The following WIPF2 variants were observed in gnomAD, a reference collection of about 807,000 sequenced individuals.
WIPF2 encodes WAS/WASL interacting protein family member 2.
WIPF2 carries 23 observed loss-of-function variants against 38.8 expected under a neutral mutation model. The observed-to-expected ratio is 0.59, with a 90% CI of 0.43 to 0.84. The LOEUF (loss-of-function observed/expected upper bound fraction) is 0.84. WIPF2 is among the 40% of genes least tolerant of loss of function. The pLI is 0.00. For synonymous variants in WIPF2, 210 were observed against 223.2 expected, an observed-to-expected ratio of 0.94 and a Z score of 0.53; for missense variants, 574 against 580.5, an observed-to-expected ratio of 0.99 and a Z score of 0.11.
At chr17:40,250,417 T>A (rs545996693) in intron 1 of WIPF2, among the ~76,000 whole-genome samples, 41 of 148,284 alleles carry the variant, frequency 2.8e-4, no homozygotes, top group African/African-American at 1.0e-3. Context: ...TTTTTGTATT[T>A]TTTTTTTTTT....
intron 1 of WIPF2, among the ~76,000 whole-genome samples, chr17:40,224,936 T>C (rs2030417220): frequency 6.6e-6 from 1 of 151,960 alleles, no homozygotes; most frequent in South Asian, 2.1e-4. Context: ...CTCTTGTTGC[T>C]ACTATTCTTC....
chr17:40,274,397 T>C (rs2032328122), intron 6 of WIPF2, among the ~76,000 whole-genome samples: 1 of 151,584 alleles, frequency 6.6e-6, no homozygotes, highest in Non-Finnish European at 1.5e-5. Context: ...TTGATTGTTC[T>C]TGGAATTATT....
intron 4 of WIPF2, among the ~76,000 whole-genome samples, chr17:40,262,843 T>A (rs1458358271): frequency 6.6e-6 from 1 of 152,184 alleles, no homozygotes; most frequent in African/African-American, 2.4e-5. Flanking sequence ...AAATGTGGCA[T>A]ATATACCCTA....
chr17:40,223,127 G>A lies in WIPF2; in HGVS notation c.-70+3635G>A, dbSNP rs189353614. On this transcript the variant is annotated intron_variant, in intron 1 of 7. Transcript: ENST00000323571. ...AATTGATGAAGACTAGTAGAATGTA[G>A]TGTTTGTTTTTTTATTTGTTTATTT... Among the ~76,000 whole-genome samples, 187 of 152,096 alleles carry A rather than the reference G, an allele frequency of 1.2e-3. 1 individual carries two copies. The highest frequency in any genetic ancestry group is 5.0e-3 in the South Asian group (24 of 4,822).
At chr17:40,227,859 A>T (rs572334142) in intron 1 of WIPF2, among the ~76,000 whole-genome samples, 2 of 152,062 alleles carry the variant, frequency 1.3e-5, no homozygotes, top group African/African-American at 2.4e-5. Flanking sequence ...AAAACAAAAC[A>T]AAAAACAAAA....
chr17:40,254,069 T>C (rs1395890373), intron 1 of WIPF2, among the ~76,000 whole-genome samples: 2 of 150,682 alleles, frequency 1.3e-5, no homozygotes, highest in Non-Finnish European at 2.9e-5. Context: ...CAGGTTGGAG[T>C]GCAGTGGTGC....
intron 1 of WIPF2, 41 bp from the exon 2 acceptor site, chr17:40,256,350 A>G: frequency 1.3e-6 from 2 of 1,510,712 alleles, no homozygotes; most frequent in South Asian, 1.3e-5. Flanking sequence ...CTTGTATCTA[A>G]TGGTAAAGCT....
At chr17:40,250,230 T>TTTTTC (rs2031512393) in intron 1 of WIPF2, among the ~76,000 whole-genome samples, 2 of 113,830 alleles carry the variant, frequency 1.8e-5, no homozygotes, top group Non-Finnish European at 3.8e-5. Flanking sequence ...TTTTTTTTTT[T>TTTTTC]TTTTTTTTTT....
In WIPF2 at chr17:40,278,590, C is replaced by T. The variant is rs1250689322; in HGVS notation, c.*365C>T. On this transcript the variant is annotated 3_prime_UTR_variant, in exon 8 of 8. Coordinates refer to ENST00000323571, the MANE Select transcript of WIPF2 (RefSeq NM_133264.5). The stretch of plus-strand genomic sequence containing the variant: ...GTGGAGAATGGTACTCCTTCCTTCT[C>T]CTGTCCACTGTGGGGGAAGCTTGGC... 1.3e-5 allele frequency: 3 copies of T among 222,958 alleles called. No individual in the cohort carries two copies. Among genetic ancestry groups the T allele is most frequent in the South Asian group, 9.8e-5 (1 of 10,252 alleles). 13.8% of individuals were successfully genotyped at this position (222,958 alleles called of 1,614,324 possible).
At chr17:40,262,081 T>C (rs1431071608) in intron 3 of WIPF2, among the ~76,000 whole-genome samples, 66 of 147,974 alleles carry the variant, frequency 4.5e-4, no homozygotes, top group African/African-American at 1.5e-3. Flanking sequence ...TTTTCTCTTT[T>C]TTTTTTTTTT....
chr17:40,277,199 A>G lies in WIPF2; in HGVS notation c.1282+15A>G, dbSNP rs758414286. The G allele has an allele frequency of 1.1e-5, 17 of 1,580,108 alleles. No homozygotes were observed. The highest frequency in any genetic ancestry group is 1.3e-5 in the Non-Finnish European group (15 of 1,158,576). On this transcript the variant is annotated intron_variant, in intron 7 of 7. Coordinates refer to ENST00000323571, the MANE Select transcript of WIPF2 (RefSeq NM_133264.5). ...AACAAACCGAGGTGAGAATAATAAT[A>G]AGAAGGTTTTTCCATAATTGCATAG...
chr17:40,261,933 G>A lies in WIPF2; in HGVS notation c.197-592G>A, dbSNP rs188136048. ...TCATGATCCGCCCGCCTCCGCCTCC[G>A]CCTCCCAAAGTGCTGGGATTACAGG... On this transcript the variant is annotated intron_variant, in intron 3 of 7. Coordinates refer to ENST00000323571, the MANE Select transcript of WIPF2 (RefSeq NM_133264.5). Among the ~76,000 whole-genome samples, 1,075 of 148,166 alleles carry A rather than the reference G, an allele frequency of 7.3e-3. 18 individuals carry two copies. The highest frequency in any genetic ancestry group is 0.026 in the African/African-American group (1,034 of 40,456).
chr17:40,252,261 G>A (rs1306652121), intron 1 of WIPF2, among the ~76,000 whole-genome samples: 3 of 152,160 alleles, frequency 2.0e-5, no homozygotes, highest in African/African-American at 7.2e-5. Flanking sequence ...CTTGTAGCAC[G>A]GAGATTGGAT....
At chr17:40,222,345 C>A (rs570699521) in intron 1 of WIPF2, among the ~76,000 whole-genome samples, 2 of 151,694 alleles carry the variant, frequency 1.3e-5, no homozygotes, top group East Asian at 2.0e-4. Flanking sequence ...AGCCACCGCG[C>A]CTGGCCGACC....
chr17:40,242,322 G>T (rs1299353479), intron 1 of WIPF2, among the ~76,000 whole-genome samples: 3 of 151,814 alleles, frequency 2.0e-5, no homozygotes, highest in African/African-American at 7.3e-5. Context: ...AGCTGTGATT[G>T]TGCCACTTGC....
rs2031283603 is a variant in WIPF2, at chr17:40,244,188, CCT to C, written c.-69-12200_-69-12199del. On this transcript the variant is annotated intron_variant, in intron 1 of 7. Coordinates refer to ENST00000323571, the MANE Select transcript of WIPF2 (RefSeq NM_133264.5). ...AAACCAGAAACACTTTAGTGGAAAC[CCT>C]CTGTTATAGTCTGTCCTAGAACACA... Among the ~76,000 whole-genome samples, 3 of 152,078 alleles carry C rather than the reference CCT, an allele frequency of 2.0e-5. No homozygotes were observed. The South Asian group carries it at 6.2e-4, about 31-fold the overall frequency.
intron 1 of WIPF2, among the ~76,000 whole-genome samples, chr17:40,233,086 AT>A (rs1206446090): frequency 6.6e-6 from 1 of 152,170 alleles, no homozygotes; most frequent in African/African-American, 2.4e-5. Flanking sequence ...TGTGGCAGAG[AT>A]TCAGGTCACA....
rs60253561 is a variant in WIPF2 at position 40,219,368 on chromosome 17, TGGCGGCGGCGGCGGC to T, written c.-177_-163del. On this transcript the variant is annotated 5_prime_UTR_variant, in exon 1 of 8. Transcript: ENST00000323571. Reference sequence around the variant, plus strand: ...ATTTCCGGGTTGGCAAAAGGGGCGGTGGCGGCGGCGGCGGCGGCGGCGGCGGCGGCGACGGCGAGA... The same window carrying T: ...ATTTCCGGGTTGGCAAAAGGGGCGGTGGCGGCGGCGGCGGCGACGGCGAGA... 1,612 of 379,690 alleles carry T rather than the reference TGGCGGCGGCGGCGGC, an allele frequency of 4.2e-3. 18 individuals carry two copies. Among genetic ancestry groups the T allele is most frequent in the African/African-American group, 0.035 (1,479 of 42,828 alleles). The allele number at this position is 379,690 out of a possible 1,614,324, so 23.5% of individuals were successfully genotyped here.
At chr17:40,270,098 G>C (rs565511571) in intron 5 of WIPF2, among the ~76,000 whole-genome samples, 45 of 151,698 alleles carry the variant, frequency 3.0e-4, no homozygotes, top group Non-Finnish European at 5.7e-4. Flanking sequence ...GGGTGCGGTG[G>C]CTCATGCCTG....
Sources: gnomAD v4.1 joint callset for allele counts (sites outside exome capture counted in the v4.1 genomes callset) on GRCh38, gnomAD v4.1.1 for gene constraint, MANE v1.5 for transcripts, NCBI Gene and HGNC (gene_info 2026-07-23, HGNC 2026-07-21) for gene names.